The following MYH11 variants were observed in gnomAD, a reference collection of about 807,000 sequenced individuals.
MYH11 encodes myosin-11.
MYH11 carries 80 observed loss-of-function variants against 246.6 expected under a neutral mutation model. That is an observed-to-expected ratio of 0.32 (90% CI 0.27 to 0.39). MYH11 has a LOEUF of 0.39. Ranked by LOEUF, MYH11 falls within the 10% of genes least tolerant of loss-of-function variation. The probability of loss-of-function intolerance (pLI) is 1.00; values close to 1 mark genes in which losing one functional copy is unlikely to be tolerated. For missense variants in MYH11, 2,158 were observed against 2,546.8 expected, an observed-to-expected ratio of 0.85 and a Z score of 3.29; for synonymous variants, 1,071 against 1,015.5, an observed-to-expected ratio of 1.05 and a Z score of -1.04.
chr16:15,790,609 CTG>C (rs1380283053), intron 4 of MYH11, among the ~76,000 whole-genome samples: 2 of 152,308 alleles, frequency 1.3e-5, no homozygotes, highest in African/African-American at 4.8e-5. Context: ...TTTCTGACCC[CTG>C]ACCTCTAGGG....
chr16:15,706,430 TTGC>T (rs910689221), intron 40 of MYH11, among the ~76,000 whole-genome samples: 4 of 152,184 alleles, frequency 2.6e-5, no homozygotes, highest in African/African-American at 9.6e-5. Context: ...GGTTGGCCAG[TTGC>T]TGCGACTCAT....
chr16:15,721,856 G>C (rs1019858956), intron 31 of MYH11, among the ~76,000 whole-genome samples: 3 of 151,704 alleles, frequency 2.0e-5, no homozygotes, highest in African/African-American at 7.3e-5. Flanking sequence ...TTTTTTGTTG[G>C]TTTGTGTGTT....
At chr16:15,776,769 G>A (rs1176320220) in intron 7 of MYH11, among the ~76,000 whole-genome samples, 5 of 152,210 alleles carry the variant, frequency 3.3e-5, no homozygotes, top group Non-Finnish European at 5.9e-5. Context: ...GAGAGAGACC[G>A]TAAACACGCC....
chr16:15,724,566 C>T lies in MYH11; in HGVS notation c.4116+81G>A, dbSNP rs1004970305. The T allele has an allele frequency of 1.2e-5, 20 of 1,609,676 alleles. No individual in the cohort carries two copies. The African/African-American group carries it at 2.5e-4, about 20-fold the overall frequency. ...GTCAAGCACCATCGCACCAACACTC[C>T]ACCGCGATCTGCCTGCGGGGGATCT... On this transcript the variant is annotated intron_variant, in intron 30 of 40. Coordinates refer to ENST00000300036, the MANE Select transcript of MYH11 (RefSeq NM_002474.3).
At chr16:15,760,934 C>A (rs1261269938) in intron 10 of MYH11, among the ~76,000 whole-genome samples, 1 of 152,128 alleles carries the variant, frequency 6.6e-6, no homozygotes, top group South Asian at 2.1e-4. Flanking sequence ...AGTCCCTGTC[C>A]CTTCACACTT....
chr16:15,712,227 C>G (rs181957962), intron 40 of MYH11, among the ~76,000 whole-genome samples: 203 of 152,170 alleles, frequency 1.3e-3, no homozygotes, highest in Middle Eastern at 3.4e-3. Context: ...CATGTGGGAA[C>G]GGGAGGGTGG....
At chr16:15,727,158 A>G in intron 27 of MYH11, 104 bp from the exon 28 acceptor site, 1 of 951,544 alleles carries the variant, frequency 1.1e-6, no homozygotes, top group South Asian at 1.3e-5. Context: ...AAGGCACACA[A>G]CAGGGGGCAC....
At chr16:15,771,437 T>C (rs2042098199) in intron 9 of MYH11, 132 bp downstream of exon 9, 1 of 229,576 alleles carries the variant, frequency 4.4e-6, no homozygotes, top group Non-Finnish European at 6.4e-6. Context: ...TTTTCCTCCT[T>C]TTTTTTTTTT....
intron 28 of MYH11, 170 bp from the exon 29 acceptor site, chr16:15,725,162 C>G: frequency 3.1e-6 from 2 of 636,384 alleles, no homozygotes; most frequent in Non-Finnish European, 2.7e-6. Context: ...CACACACACA[C>G]AAAAAAAACA....
Position 15,719,626 on chromosome 16 carries a change from T to G in MYH11, c.5041A>C (p.Lys1681Gln). ...IFATAKENEK[K>Q]AKSLEADLMQ... The stretch of plus-strand genomic sequence containing the variant: ...AGGTCTGCTTCCAAGCTCTTGGCTT[T>G]CTTCTCATTCTCTTTGGCTGTGGCA... Residue 1681 changes from lysine (K) to glutamine (Q), a missense_variant, in exon 35 of 41, where the codon AAA (lysine) becomes CAA (glutamine). Lys to Gln is a moderately conservative substitution (Grantham distance 53). This residue lies in a region of MYH11 where 1,013 missense variants were observed against 993.5 expected (regional missense o/e 1.02). Transcript: ENST00000300036. 1 of 1,614,214 alleles carries G rather than the reference T, an allele frequency of 6.2e-7. No individual in the cohort carries two copies. Among genetic ancestry groups the G allele is most frequent in the Non-Finnish European group, 8.5e-7 (1 of 1,180,042 alleles).
rs1045555095 is a variant in MYH11, at chr16:15,786,593, G to A, written c.633+37C>T. On this transcript the variant is annotated intron_variant, in intron 5 of 40. Transcript: ENST00000300036. The stretch of plus-strand genomic sequence containing the variant: ...TGGGCTGCAAGCTGGAGACCGGTTG[G>A]CTAAATCATGGCCTCTGATTGGGAA... The A allele has an allele frequency of 6.3e-6, 10 of 1,585,912 alleles. No individual in the cohort carries two copies. In the East Asian group the frequency reaches 1.8e-4, roughly 28 times the overall value.
At chr16:15,759,823 T>C in intron 11 of MYH11, 95 bp from the exon 12 acceptor site, 1 of 1,490,168 alleles carries the variant, frequency 6.7e-7, no homozygotes, top group South Asian at 1.2e-5. Flanking sequence ...CTTGGCCGGG[T>C]GCAGTGACTC....
Position 15,750,198 on chromosome 16 carries a change from G to A in MYH11, c.1998C>T (p.Thr666=), listed in dbSNP as rs2041528888. The A allele has an allele frequency of 1.2e-6, 2 of 1,614,250 alleles. No individual in the cohort carries two copies. The highest frequency in any genetic ancestry group is 2.2e-5 in the East Asian group (1 of 44,882). ...LYKEQLGKLM[T]TLRNTTPNFV... ...AGTTGGGCGTGGTGTTGCGTAGCGT[G>A]GTCATCAGCTTGCCCAGCTGCTCCT... The change falls in exon 16 of 41, where the codon ACC becomes ACT. Residue 666 remains threonine (T), a synonymous_variant. Transcript: ENST00000300036. The surrounding 1 kb of genome is among the most constrained non-coding windows in gnomAD (Gnocchi z 4.3).
chr16:15,844,168 A>C (rs2044129086), intron 1 of MYH11, among the ~76,000 whole-genome samples: 1 of 152,164 alleles, frequency 6.6e-6, no homozygotes, highest in Non-Finnish European at 1.5e-5. Flanking sequence ...TGTCTATGGA[A>C]AATGCAAGGC....
At chr16:15,714,654 C>G (rs982440763) in intron 40 of MYH11, 23 of 586,868 alleles carry the variant, frequency 3.9e-5, no homozygotes, top group Non-Finnish European at 7.0e-5. Flanking sequence ...CCTCCTCAGC[C>G]GGAGGACCGG....
chr16:15,856,756 G>A (rs1222226575), intron 1 of MYH11, among the ~76,000 whole-genome samples, 185 bp downstream of exon 1: 1 of 152,018 alleles, frequency 6.6e-6, no homozygotes, highest in East Asian at 1.9e-4. Context: ...TTTGGGGAAA[G>A]TCTAGGATAA....
intron 2 of MYH11, among the ~76,000 whole-genome samples, chr16:15,831,463 G>GT (rs1360561619): frequency 5.0e-5 from 6 of 119,544 alleles, no homozygotes; most frequent in African/African-American, 2.2e-4. Context: ...CTTATGTTTG[G>GT]GGTGTGTGTG....
intron 3 of MYH11, among the ~76,000 whole-genome samples, chr16:15,798,913 G>A (rs887022882): frequency 6.6e-6 from 1 of 152,184 alleles, no homozygotes; most frequent in African/African-American, 2.4e-5. Context: ...AGATGCTGGA[G>A]CCTGACTGAT....
rs111888764 is a variant in MYH11 at position 15,777,104 on chromosome 16, TAC to T, written c.791-930_791-929del. On this transcript the variant is annotated intron_variant, in intron 7 of 40. Transcript: ENST00000300036. The stretch of plus-strand genomic sequence containing the variant: ...GTACATGGGTATACACACGCACACA[TAC>T]ACACACACACACACACACACACGCA... Among the ~76,000 whole-genome samples, 322 of 147,334 alleles carry T rather than the reference TAC, an allele frequency of 2.2e-3. 1 individual carries two copies. Among genetic ancestry groups the T allele is most frequent in the East Asian group, 8.6e-3 (43 of 5,022 alleles).
Sources: gnomAD v4.1 joint callset for allele counts (sites outside exome capture counted in the v4.1 genomes callset) on GRCh38, gnomAD v4.1.1 for gene constraint, gnomAD v4.1.1 regional missense constraint, Gnocchi (gnomAD v3.1) non-coding constraint, MANE v1.5 for transcripts, NCBI Gene and HGNC (gene_info 2026-07-23, HGNC 2026-07-21) for gene names.